TMEM91: variants seen among roughly 807,000 people sequenced by gnomAD.
The protein encoded by TMEM91 is dispanin subfamily C member 3.
Under a neutral mutation model 13.3 loss-of-function variants are expected in TMEM91, and 6 were observed. The observed-to-expected ratio is 0.45, with a 90% CI of 0.25 to 0.89. TMEM91 has a LOEUF of 0.89. TMEM91 is among the 40% of genes least tolerant of loss of function. TMEM91 has a pLI of 0.19. For missense variants in TMEM91, 193 were observed against 228.7 expected, an observed-to-expected ratio of 0.84 and a Z score of 1.01; for synonymous variants, 87 against 101.7, an observed-to-expected ratio of 0.86 and a Z score of 0.87.
At chr19:41,365,874 C>T (rs58921598) in intron 1 of TMEM91, among the ~76,000 whole-genome samples, 14,839 of 151,154 alleles carry the variant, frequency 0.098, 998 homozygotes, top group African/African-American at 0.19. Flanking sequence ...CTATATCTAG[C>T]TAATGTTTGT....
At chr19:41,378,052 A>AAAG (rs1555760479) in intron 1 of TMEM91, among the ~76,000 whole-genome samples, 31 of 150,086 alleles carry the variant, frequency 2.1e-4, no homozygotes, top group Admixed American at 7.3e-4. Context: ...AAAAAAAAAA[A>AAAG]AGAGAGAGAG....
intron 1 of TMEM91, among the ~76,000 whole-genome samples, chr19:41,366,321 G>A (rs1186725583): frequency 6.6e-6 from 1 of 151,850 alleles, no homozygotes; most frequent in Admixed American, 6.6e-5. Context: ...TGTCCATCAG[G>A]AAATCTTACT....
chr19:41,383,648 G>A, intron 3 of TMEM91, 67 bp from the exon 4 acceptor site: 1 of 1,614,104 alleles, frequency 6.2e-7, no homozygotes, highest in Non-Finnish European at 8.5e-7. Context: ...TTGGGTGGGG[G>A]AGGGACCAGG....
chr19:41,383,769 C>G lies in TMEM91; in HGVS notation c.415C>G (p.Arg139Gly). ...DIQGAGAASR[R>G]AFLLGVLAVG... ...CCAGGGGGCAGGGGCCGCCTCCCGC[C>G]GTGCCTTCCTGCTGGGGGTCCTCGC... is the stretch of plus-strand genomic sequence containing the variant. The change falls in exon 4 of 4, where the codon CGT becomes GGT. Residue 139 changes from arginine (R) to glycine (G), a missense_variant. Transcript: ENST00000392002. The G allele has an allele frequency of 6.2e-7, 1 of 1,609,648 alleles. No homozygotes were observed. Among genetic ancestry groups the G allele is most frequent in the African/African-American group, 1.3e-5 (1 of 74,790 alleles).
At chr19:41,366,991 A>G (rs1427992969) in intron 1 of TMEM91, among the ~76,000 whole-genome samples, 1 of 151,720 alleles carries the variant, frequency 6.6e-6, no homozygotes, top group African/African-American at 2.4e-5. Flanking sequence ...AAATACCAAA[A>G]CTAGATGGGT....
At chr19:41,380,913 C>CAA (rs35462984) in intron 2 of TMEM91, among the ~76,000 whole-genome samples, 24 of 67,470 alleles carry the variant, frequency 3.6e-4, no homozygotes, top group African/African-American at 1.5e-3. Context: ...AACTCTGTCT[C>CAA]AAAAAAAAAA....
chr19:41,383,734 A>C lies in TMEM91; in HGVS notation c.380A>C (p.Lys127Thr). The C allele has an allele frequency of 6.2e-7, 1 of 1,608,592 alleles. No homozygotes were observed. Among genetic ancestry groups the C allele is most frequent in the Non-Finnish European group, 8.5e-7 (1 of 1,176,990 alleles). Reference sequence around the variant, plus strand: ...CTACAGACCAACAAGGCTTGGGCCAAGGGGGACATCCAGGGGGCAGGGGCC... The same window carrying C: ...CTACAGACCAACAAGGCTTGGGCCACGGGGGACATCCAGGGGGCAGGGGCC... ...LAQKTNKAWAKGDIQGAGAAS... is the reference protein window; with the variant it reads ...LAQKTNKAWATGDIQGAGAAS... The change falls in exon 4 of 4, where the codon AAG (lysine) becomes ACG (threonine). Residue 127 changes from lysine (K) to threonine (T), a missense_variant. Lys to Thr is a moderately conservative substitution (Grantham distance 78). Transcript: ENST00000392002.
upstream of TMEM91, among the ~76,000 whole-genome samples, chr19:41,375,820 A>G (rs2038706245): frequency 6.7e-6 from 1 of 149,772 alleles, no homozygotes; most frequent in African/African-American, 2.5e-5. Context: ...CTTTTAAAAA[A>G]TAATAATAAA....
chr19:41,380,885 G>T (rs1338580621), intron 2 of TMEM91, among the ~76,000 whole-genome samples: 5 of 140,844 alleles, frequency 3.6e-5, no homozygotes, highest in Admixed American at 7.4e-5. Flanking sequence ...TTGCACTCCA[G>T]CCTGGGCAAC....
chr19:41,382,786 T>G lies in TMEM91; in HGVS notation c.225T>G (p.Ser75Arg). ...RPPDVEDMSS[S>R]DSDSDWDGGS... Reference sequence around the variant, plus strand: ...CCTGTCCGTAGGACATGTCATCCAGTGACAGTGACTCGGACTGGGATGGAG... The same window carrying G: ...CCTGTCCGTAGGACATGTCATCCAGGGACAGTGACTCGGACTGGGATGGAG... Residue 75 changes from serine (S) to arginine (R), a missense_variant, in exon 3 of 4, where the codon AGT (serine) becomes AGG (arginine). Ser to Arg is a moderately radical substitution (Grantham distance 110, BLOSUM62 -1). Coordinates refer to ENST00000392002, the MANE Select transcript of TMEM91 (RefSeq NM_001098821.2). The G allele has an allele frequency of 6.2e-7, 1 of 1,614,002 alleles. No homozygotes were observed. Among genetic ancestry groups the G allele is most frequent in the Non-Finnish European group, 8.5e-7 (1 of 1,179,906 alleles).
intron 3 of TMEM91, chr19:41,383,352 C>G: frequency 1.8e-6 from 1 of 543,810 alleles, no homozygotes; most frequent in Non-Finnish European, 2.8e-6. Context: ...CGGTGCCCAG[C>G]TCTCTGCAAG....
rs1477094626 is a variant in TMEM91, at chr19:41,378,447, T to C, written c.138T>C (p.Gly46=). Residue 46 remains glycine, a synonymous_variant, in exon 2 of 4, where the codon GGT becomes GGC. Transcript: ENST00000392002. Reference sequence around the variant, plus strand: ...TAGCCTTTGCCGAGTCCCTGAGGGGTTTGCAGTTCCTGTCACCGCCTCTTC... The same window carrying C: ...TAGCCTTTGCCGAGTCCCTGAGGGGCTTGCAGTTCCTGTCACCGCCTCTTC... The part of the protein sequence containing the change: ...REIAFAESLR[G]LQFLSPPLPS... The C allele has an allele frequency of 1.2e-6, 2 of 1,613,870 alleles. No individual in the cohort carries two copies. Among genetic ancestry groups the C allele is most frequent in the East Asian group, 2.2e-5 (1 of 44,874 alleles).
chr19:41,368,825 G>A (rs1441641699), intron 1 of TMEM91, among the ~76,000 whole-genome samples: 1 of 149,534 alleles, frequency 6.7e-6, no homozygotes, highest in Non-Finnish European at 1.5e-5. Flanking sequence ...CTAACCAATA[G>A]AATATGGGGC....
intron 1 of TMEM91, among the ~76,000 whole-genome samples, chr19:41,365,703 C>T (rs1197761954): frequency 8.1e-6 from 1 of 123,562 alleles, no homozygotes; most frequent in African/African-American, 3.2e-5. Flanking sequence ...CCGTGACCGG[C>T]CGGGTTTTTT....
chr19:41,382,703 A>C, intron 2 of TMEM91, 69 bp from the exon 3 acceptor site: 1 of 1,566,686 alleles, frequency 6.4e-7, no homozygotes, highest in South Asian at 1.2e-5. Flanking sequence ...TTTGAGGGCT[A>C]TGGAGAGCAG....
chr19:41,383,353 T>C, intron 3 of TMEM91: 1 of 546,578 alleles, frequency 1.8e-6, no homozygotes, highest in Non-Finnish European at 2.8e-6. Context: ...GGTGCCCAGC[T>C]CTCTGCAAGA....
chr19:41,376,717 C>A lies in TMEM91; in HGVS notation c.-167C>A, dbSNP rs953550206. ...CGTCGCCCCGCCCCGTCCCCGCCCC[C>A]GCGCGCAGCGGGCCCGGGGCGCTGA... On this transcript the variant is annotated 5_prime_UTR_variant, in exon 1 of 4. Coordinates refer to ENST00000392002, the MANE Select transcript of TMEM91 (RefSeq NM_001098821.2). 6.6e-6 allele frequency: 1 copy of A among 152,240 alleles called. No individual in the cohort carries two copies. The highest frequency in any genetic ancestry group is 2.4e-5 in the African/African-American group (1 of 41,456). The allele number at this position is 152,240 out of a possible 1,614,324, so 9.4% of individuals were successfully genotyped here.
chr19:41,383,457 G>A (rs1177571661), intron 3 of TMEM91: 2 of 1,258,388 alleles, frequency 1.6e-6, no homozygotes, highest in Non-Finnish European at 2.1e-6. Flanking sequence ...AGAATCAAAT[G>A]AGTTAGAATA....
At chr19:41,378,592 C>G in intron 2 of TMEM91, 73 bp downstream of exon 2, 2 of 1,509,930 alleles carry the variant, frequency 1.3e-6, no homozygotes, top group South Asian at 2.3e-5. Context: ...CAGCATCTGG[C>G]AGGTTGACAG....
Sources: allele counts gnomAD v4.1 joint callset (sites outside exome capture counted in the v4.1 genomes callset), GRCh38; gene constraint gnomAD v4.1.1; transcripts MANE v1.5; gene names NCBI Gene and HGNC (gene_info 2026-07-23, HGNC 2026-07-21).